Variants in CCDC25 observed in about 807,000 individuals in gnomAD.
CCDC25 encodes coiled-coil domain containing 25.
In CCDC25, 16 loss-of-function variants were observed where a neutral mutation model predicts 35.3. The observed-to-expected ratio is 0.45, with a 90% CI of 0.31 to 0.69. The LOEUF (loss-of-function observed/expected upper bound fraction) is 0.69. Ranked by LOEUF, CCDC25 falls within the 30% of genes least tolerant of loss-of-function variation. The pLI is 0.06. For missense variants in CCDC25, 179 were observed against 250.7 expected, an observed-to-expected ratio of 0.71 and a Z score of 1.93; for synonymous variants, 79 against 80.3, an observed-to-expected ratio of 0.98 and a Z score of 0.09.
At chr8:27,743,121 T>C (rs1803495795) in intron 7 of CCDC25, among the ~76,000 whole-genome samples, 1 of 152,148 alleles carries the variant, frequency 6.6e-6, no homozygotes, top group Non-Finnish European at 1.5e-5. Context: ...CTAGGAGTCA[T>C]TCTTAGCCCC....
chr8:27,738,601 G>GGTGTGTGTGTGTGTGT (rs35046025), intron 8 of CCDC25, among the ~76,000 whole-genome samples: 9 of 149,958 alleles, frequency 6.0e-5, no homozygotes, highest in African/African-American at 2.2e-4. Context: ...TCGGTAGGTA[G>GGTGTGTGTGTGTGTGT]GTGTGTGTGT....
At chr8:27,767,929 C>T (rs992692946) in intron 1 of CCDC25, among the ~76,000 whole-genome samples, 12 of 152,266 alleles carry the variant, frequency 7.9e-5, no homozygotes, top group Middle Eastern at 3.4e-3. Flanking sequence ...TTTGTAGTCA[C>T]AGTGGCTCAC....
At chr8:27,765,949 G>T (rs115063218) in intron 1 of CCDC25, among the ~76,000 whole-genome samples, 2,029 of 152,234 alleles carry the variant, frequency 0.013, 47 homozygotes, top group African/African-American at 0.046. Flanking sequence ...ATAAGGTCAG[G>T]GTTAGAAACA....
chr8:27,762,937 A>T (rs1333950032), intron 2 of CCDC25, among the ~76,000 whole-genome samples: 1 of 152,212 alleles, frequency 6.6e-6, no homozygotes, highest in Non-Finnish European at 1.5e-5. Flanking sequence ...CTTAAATTCT[A>T]TCACACATGG....
intron 5 of CCDC25, among the ~76,000 whole-genome samples, chr8:27,751,578 T>C (rs1803808746): frequency 6.6e-6 from 1 of 152,120 alleles, no homozygotes. Flanking sequence ...CCGCCCCATG[T>C]TTATCTTCTT....
chr8:27,741,881 T>A (rs1803452372), intron 7 of CCDC25, among the ~76,000 whole-genome samples: 1 of 152,154 alleles, frequency 6.6e-6, no homozygotes, highest in Admixed American at 6.5e-5. Context: ...TTAAGTAAGT[T>A]GTTCAAGGTC....
chr8:27,767,503 TAACA>T (rs1305252043), intron 1 of CCDC25, among the ~76,000 whole-genome samples: 2 of 152,094 alleles, frequency 1.3e-5, no homozygotes, highest in African/African-American at 4.8e-5. Flanking sequence ...AAAATGGCCA[TAACA>T]AACCTAAAGT....
chr8:27,757,202 T>C (rs1432184069), intron 3 of CCDC25, among the ~76,000 whole-genome samples: 1 of 152,178 alleles, frequency 6.6e-6, no homozygotes, highest in Non-Finnish European at 1.5e-5. Context: ...AAGTCTCCAA[T>C]GCTGCCAGCC....
At position 27,772,502 on chromosome 8, in the gene CCDC25, C is replaced by T; in HGVS notation, c.28+11G>A. The stretch of plus-strand genomic sequence containing the variant: ...TCCAGCAGGGTCCAGGAGGACGTGG[C>T]GCCCACTCACCGCTGCTGCTGGTGA... On this transcript the variant is annotated intron_variant, in intron 1 of 8. Transcript: ENST00000356537. 1 of 1,549,912 alleles carries T rather than the reference C, an allele frequency of 6.5e-7. No homozygotes were observed. Among genetic ancestry groups the T allele is most frequent in the Non-Finnish European group, 8.7e-7 (1 of 1,146,570 alleles).
chr8:27,753,344 A>G (rs1803883792), intron 4 of CCDC25, among the ~76,000 whole-genome samples: 3 of 152,136 alleles, frequency 2.0e-5, no homozygotes, highest in Admixed American at 2.0e-4. Context: ...GTACCTACTA[A>G]TTACAATGGC....
intron 7 of CCDC25, among the ~76,000 whole-genome samples, chr8:27,746,520 C>T (rs1432563447): frequency 6.6e-6 from 1 of 152,006 alleles, no homozygotes; most frequent in Non-Finnish European, 1.5e-5. Context: ...ATGTTCGATC[C>T]GTAAAGGGCA....
At chr8:27,738,676 A>G (rs1456348275) in intron 8 of CCDC25, among the ~76,000 whole-genome samples, 1 of 152,056 alleles carries the variant, frequency 6.6e-6, no homozygotes, top group African/African-American at 2.4e-5. Context: ...AAAAATCCAA[A>G]ATGATGAGAA....
At chr8:27,761,084 G>A (rs541391392) in intron 3 of CCDC25, among the ~76,000 whole-genome samples, 2 of 151,898 alleles carry the variant, frequency 1.3e-5, no homozygotes, top group Non-Finnish European at 2.9e-5. Context: ...AGCCGAGATC[G>A]CACCATTGCA....
intron 1 of CCDC25, among the ~76,000 whole-genome samples, chr8:27,766,591 A>G (rs1335074661): frequency 6.6e-6 from 1 of 152,138 alleles, no homozygotes; most frequent in Non-Finnish European, 1.5e-5. Context: ...CAAATGCCAA[A>G]AGGGTGGGAA....
chr8:27,772,427 G>C (rs1475315169), intron 1 of CCDC25, 86 bp downstream of exon 1: 1 of 1,366,706 alleles, frequency 7.3e-7, no homozygotes, highest in Non-Finnish European at 1.0e-6. Flanking sequence ...ATTTTAGAGC[G>C]AGGGTCAGGC....
chr8:27,751,969 A>C (rs1803826710), intron 5 of CCDC25, among the ~76,000 whole-genome samples: 1 of 152,178 alleles, frequency 6.6e-6, no homozygotes, highest in Non-Finnish European at 1.5e-5. Context: ...ACTAAATAAG[A>C]TTCTCTTTGG....
At chr8:27,745,801 G>A (rs1301026366) in intron 7 of CCDC25, among the ~76,000 whole-genome samples, 1 of 152,174 alleles carries the variant, frequency 6.6e-6, no homozygotes, top group Non-Finnish European at 1.5e-5. Context: ...TTGTCTGTGT[G>A]GCACACGGTT....
rs1435613500 is a variant in CCDC25 at position 27,737,259 on chromosome 8, T to C, written c.598-1014A>G. 6.6e-6 allele frequency among the ~76,000 whole-genome samples: 1 copy of C among 152,206 alleles called. No homozygotes were observed. The highest frequency in any genetic ancestry group is 2.4e-5 in the African/African-American group (1 of 41,450). Reference sequence around the variant, plus strand: ...GTGTTATATCCAGGCGCAAAGACTATGATTGCCCCAGAGTCTTAATCTGAA... The same window carrying C: ...GTGTTATATCCAGGCGCAAAGACTACGATTGCCCCAGAGTCTTAATCTGAA... On this transcript the variant is annotated intron_variant, in intron 8 of 8. Coordinates refer to ENST00000356537, the MANE Select transcript of CCDC25 (RefSeq NM_018246.3). This position sits in a 1 kb window ranked among gnomAD's most constrained non-coding sequence, Gnocchi z 4.6.
chr8:27,739,462 G>C (rs1365665740), intron 8 of CCDC25, among the ~76,000 whole-genome samples: 1 of 151,700 alleles, frequency 6.6e-6, no homozygotes, highest in African/African-American at 2.4e-5. Flanking sequence ...TTCTTTATCT[G>C]TGAATTCAAC....
Sources: gnomAD v4.1 joint callset for allele counts (sites outside exome capture counted in the v4.1 genomes callset) on GRCh38, gnomAD v4.1.1 for gene constraint, Gnocchi (gnomAD v3.1) non-coding constraint, MANE v1.5 for transcripts, NCBI Gene and HGNC (gene_info 2026-07-23, HGNC 2026-07-21) for gene names.